Variants in TMEM132D observed in about 807,000 individuals in gnomAD.
The protein encoded by TMEM132D is mature OL transmembrane protein.
A neutral mutation model predicts 62.3 loss-of-function variants in TMEM132D; 21 were observed. That is an observed-to-expected ratio of 0.34 (90% CI 0.24 to 0.49). The LOEUF (loss-of-function observed/expected upper bound fraction) is 0.49. Ranked by LOEUF, TMEM132D falls within the 20% of genes least tolerant of loss-of-function variation. The probability of loss-of-function intolerance (pLI) is 0.99; values close to 1 mark genes in which losing one functional copy is unlikely to be tolerated. For missense variants in TMEM132D, 1,346 were observed against 1,402.8 expected (o/e 0.96, Z 0.65); for synonymous variants, 621 against 575.6 (o/e 1.08, Z -1.13).
intron 2 of TMEM132D, among the ~76,000 whole-genome samples, chr12:129,583,460 T>G (rs961286777): frequency 2.6e-5 from 4 of 152,222 alleles, no homozygotes; most frequent in Non-Finnish European, 5.9e-5. Context: ...CACAGAACTA[T>G]ACACCACAAT....
At chr12:129,356,919 G>C (rs1055978429) in intron 3 of TMEM132D, among the ~76,000 whole-genome samples, 17 of 132,124 alleles carry the variant, frequency 1.3e-4, no homozygotes, top group Non-Finnish European at 3.1e-5. Flanking sequence ...GGTAAGGAAA[G>C]GAGAGGAGAG....
intron 5 of TMEM132D, among the ~76,000 whole-genome samples, chr12:129,126,443 A>C (rs1160829113): frequency 1.3e-5 from 2 of 151,154 alleles, no homozygotes; most frequent in Admixed American, 1.3e-4. Context: ...TATAAGGGAG[A>C]GAAACATCGA....
intron 3 of TMEM132D, among the ~76,000 whole-genome samples, chr12:129,416,733 A>T (rs7297391): frequency 0.48 from 73,214 of 151,980 alleles, 18,269 homozygotes; most frequent in East Asian, 0.77. Flanking sequence ...ATCTAGTTTA[A>T]TGAGTATTTT....
intron 2 of TMEM132D, among the ~76,000 whole-genome samples, chr12:129,605,884 C>A (rs1048869856): frequency 2.0e-5 from 3 of 151,780 alleles, no homozygotes; most frequent in African/African-American, 4.8e-5. Context: ...ACAATGCAGC[C>A]AAGAAAACAG....
chr12:129,558,297 C>T (rs1309390990), intron 2 of TMEM132D, among the ~76,000 whole-genome samples: 1 of 152,166 alleles, frequency 6.6e-6, no homozygotes, highest in Admixed American at 6.5e-5. Context: ...ATCGTTTGGG[C>T]CAAAGCAAGT....
At chr12:129,797,249 G>A (rs539208760) in intron 1 of TMEM132D, among the ~76,000 whole-genome samples, 2 of 152,182 alleles carry the variant, frequency 1.3e-5, no homozygotes, top group African/African-American at 4.8e-5. Flanking sequence ...TCTCCCGGGA[G>A]GGCTACCCAC....
intron 4 of TMEM132D, among the ~76,000 whole-genome samples, chr12:129,294,667 A>G (rs1396221801): frequency 1.3e-5 from 2 of 152,210 alleles, no homozygotes; most frequent in East Asian, 1.9e-4. Context: ...TTTCAGCTCT[A>G]TCACACACTG....
At chr12:129,585,000 C>T (rs1251994526) in intron 2 of TMEM132D, among the ~76,000 whole-genome samples, 2 of 151,916 alleles carry the variant, frequency 1.3e-5, no homozygotes, top group Admixed American at 6.6e-5. Context: ...GCAGTTTCCT[C>T]GATTGCAAAA....
chr12:129,694,289 T>C (rs1881142317), intron 2 of TMEM132D, among the ~76,000 whole-genome samples: 1 of 152,086 alleles, frequency 6.6e-6, no homozygotes, highest in Non-Finnish European at 1.5e-5. Flanking sequence ...ATGATCCCAG[T>C]GCAATCAGGA....
chr12:129,108,142 T>C (rs1370381843), intron 5 of TMEM132D, among the ~76,000 whole-genome samples: 4 of 152,194 alleles, frequency 2.6e-5, no homozygotes, highest in African/African-American at 9.6e-5. Context: ...ACTTACATGG[T>C]GTGGGGACAG....
intron 3 of TMEM132D, among the ~76,000 whole-genome samples, chr12:129,414,931 T>C (rs1250925044): frequency 6.6e-6 from 1 of 152,238 alleles, no homozygotes; most frequent in Non-Finnish European, 1.5e-5. Flanking sequence ...TCTGTCTTTC[T>C]GTGCCTGGCT....
chr12:129,704,683 G>A (rs928790424), intron 1 of TMEM132D, among the ~76,000 whole-genome samples: 8 of 151,968 alleles, frequency 5.3e-5, no homozygotes, highest in Non-Finnish European at 7.4e-5. Context: ...CAGGGATGCC[G>A]GGTCATATGG....
intron 2 of TMEM132D, among the ~76,000 whole-genome samples, chr12:129,565,729 T>C (rs548962762): frequency 6.6e-6 from 1 of 152,318 alleles, no homozygotes; most frequent in South Asian, 2.1e-4. Flanking sequence ...CCCAGCTGGG[T>C]CAGCCCGCTC....
At chr12:129,802,795 T>G (rs1156260843) in intron 1 of TMEM132D, among the ~76,000 whole-genome samples, 1 of 151,170 alleles carries the variant, frequency 6.6e-6, no homozygotes, top group East Asian at 1.9e-4. Flanking sequence ...AGGAAACCCA[T>G]CTCACGTGCA....
At chr12:129,091,391 A>G (rs1419035535) in intron 5 of TMEM132D, among the ~76,000 whole-genome samples, 2 of 148,424 alleles carry the variant, frequency 1.3e-5, no homozygotes, top group African/African-American at 2.5e-5. Context: ...GTCTCTGGGG[A>G]CCTTATATAA....
intron 4 of TMEM132D, among the ~76,000 whole-genome samples, chr12:129,236,180 C>A (rs1241905422): frequency 2.8e-5 from 4 of 143,994 alleles, no homozygotes; most frequent in African/African-American, 1.0e-4. Flanking sequence ...GAGAGAGAGT[C>A]ACTAATGGAA....
intron 3 of TMEM132D, among the ~76,000 whole-genome samples, chr12:129,530,117 T>C (rs1216363481): frequency 2.0e-5 from 3 of 152,078 alleles, no homozygotes; most frequent in Non-Finnish European, 4.4e-5. Context: ...CAGAAAAGAA[T>C]CCAAATCAAA....
At chr12:129,499,432 T>C (rs1485835892) in intron 3 of TMEM132D, among the ~76,000 whole-genome samples, 1 of 152,230 alleles carries the variant, frequency 6.6e-6, no homozygotes. Context: ...CTTCAGCTAC[T>C]CTCTGTGTTT....
intron 1 of TMEM132D, among the ~76,000 whole-genome samples, chr12:129,767,713 T>G (rs61943382): frequency 0.22 from 32,735 of 152,250 alleles, 3,639 homozygotes; most frequent in South Asian, 0.28. Context: ...TATGTGGACA[T>G]GCCACACTTT....
Sources: allele counts gnomAD v4.1 joint callset (sites outside exome capture counted in the v4.1 genomes callset), GRCh38; gene constraint gnomAD v4.1.1; transcripts MANE v1.5; gene names NCBI Gene and HGNC (gene_info 2026-07-23, HGNC 2026-07-21).